Variants in CSRNP3 observed in about 807,000 individuals in gnomAD.
The protein encoded by CSRNP3 is cysteine and serine rich nuclear protein 3.
In CSRNP3, 12 loss-of-function variants were observed where a neutral mutation model predicts 48.0. The ratio of observed to expected loss-of-function variants is 0.25; its 90% CI spans 0.16 to 0.41. CSRNP3 has a LOEUF of 0.41. CSRNP3 is among the 10% of genes least tolerant of loss of function. The probability of loss-of-function intolerance (pLI) is 1.00; values close to 1 mark genes in which losing one functional copy is unlikely to be tolerated. For missense variants in CSRNP3, 580 were observed against 724.4 expected (o/e 0.80, Z 2.29); for synonymous variants, 263 against 269.7 (o/e 0.98, Z 0.24).
At chr2:165,477,461 A>G (rs1683976765) in intron 1 of CSRNP3, among the ~76,000 whole-genome samples, 1 of 124,836 alleles carries the variant, frequency 8.0e-6, no homozygotes, top group African/African-American at 3.1e-5. Context: ...CCTACTAAAA[A>G]TACAAATATA....
chr2:165,575,220 T>C (rs182330309), intron 3 of CSRNP3, among the ~76,000 whole-genome samples: 4 of 152,312 alleles, frequency 2.6e-5, no homozygotes, highest in East Asian at 1.9e-4. Flanking sequence ...TAGGAAAGTC[T>C]GTCCTGCACC....
chr2:165,539,475 T>G (rs1482806158), intron 3 of CSRNP3, among the ~76,000 whole-genome samples: 1 of 152,060 alleles, frequency 6.6e-6, no homozygotes, highest in East Asian at 1.9e-4. Flanking sequence ...TTTCCCCTAA[T>G]GGCTATGTAT....
chr2:165,677,679 C>T (rs989890805), intron 6 of CSRNP3, among the ~76,000 whole-genome samples: 6 of 152,078 alleles, frequency 3.9e-5, no homozygotes, highest in Admixed American at 3.9e-4. Context: ...AGTCTGCCTT[C>T]TCTTCTTTAG....
At chr2:165,676,272 G>T in intron 5 of CSRNP3, 40 bp from the exon 6 acceptor site, 1 of 1,537,420 alleles carries the variant, frequency 6.5e-7, no homozygotes, top group Non-Finnish European at 9.0e-7. Flanking sequence ...TTTGTACCCT[G>T]CCCTTAATGA....
At chr2:165,648,298 T>G (rs10198142) in intron 4 of CSRNP3, among the ~76,000 whole-genome samples, 38,103 of 151,708 alleles carry the variant, frequency 0.25, 5,519 homozygotes, top group Non-Finnish European at 0.32. Flanking sequence ...GTGGTACAAT[T>G]TTACATATAA....
At chr2:165,524,105 A>T (rs1684699870) in intron 3 of CSRNP3, among the ~76,000 whole-genome samples, 1 of 152,216 alleles carries the variant, frequency 6.6e-6, no homozygotes, top group African/African-American at 2.4e-5. Context: ...ACATGTGATC[A>T]TAAAGTGCAC....
At chr2:165,630,281 T>C (rs1320596066) in intron 4 of CSRNP3, among the ~76,000 whole-genome samples, 1 of 152,238 alleles carries the variant, frequency 6.6e-6, no homozygotes, top group Non-Finnish European at 1.5e-5. Context: ...TTTCGTTTTC[T>C]ACTAAGACAG....
intron 4 of CSRNP3, among the ~76,000 whole-genome samples, chr2:165,653,988 A>G: frequency 6.9e-6 from 1 of 145,802 alleles, no homozygotes; most frequent in African/African-American, 2.6e-5. Context: ...AAAAAAAAAA[A>G]AAAAAAAAAA....
chr2:165,666,289 G>C (rs1180385471), intron 5 of CSRNP3, among the ~76,000 whole-genome samples: 1 of 134,604 alleles, frequency 7.4e-6, no homozygotes, highest in Non-Finnish European at 1.6e-5. Context: ...GAAAGGGAGA[G>C]AGGAAGAAAG....
At chr2:165,585,331 T>A (rs775552658) in intron 3 of CSRNP3, among the ~76,000 whole-genome samples, 1 of 152,060 alleles carries the variant, frequency 6.6e-6, no homozygotes, top group Non-Finnish European at 1.5e-5. Flanking sequence ...ATCTGGTTGA[T>A]AATTTGACGT....
intron 3 of CSRNP3, among the ~76,000 whole-genome samples, chr2:165,543,159 C>G (rs1295870998): frequency 1.3e-5 from 2 of 152,126 alleles, no homozygotes; most frequent in African/African-American, 4.8e-5. Flanking sequence ...CTTTACTAGA[C>G]CAGGTTGCCT....
chr2:165,508,089 A>G (rs1225039714), intron 2 of CSRNP3, among the ~76,000 whole-genome samples: 1 of 151,910 alleles, frequency 6.6e-6, no homozygotes, highest in Non-Finnish European at 1.5e-5. Flanking sequence ...TATTCCTATC[A>G]GTGGATGTCA....
At chr2:165,590,663 T>A (rs2105291137) in intron 3 of CSRNP3, among the ~76,000 whole-genome samples, 1 of 152,232 alleles carries the variant, frequency 6.6e-6, no homozygotes, top group Admixed American at 6.5e-5. Flanking sequence ...GTGAGTGAGT[T>A]CTCATGAGAT....
At chr2:165,520,161 T>C (rs1684632550) in intron 3 of CSRNP3, among the ~76,000 whole-genome samples, 5 of 152,238 alleles carry the variant, frequency 3.3e-5, no homozygotes. Context: ...TGTGCATTTT[T>C]ATTAGAAAAT....
At chr2:165,586,458 G>A (rs1316522184) in intron 3 of CSRNP3, among the ~76,000 whole-genome samples, 3 of 152,200 alleles carry the variant, frequency 2.0e-5, no homozygotes, top group African/African-American at 7.2e-5. Flanking sequence ...AGTTAAGGTT[G>A]AATTTCAGAT....
intron 3 of CSRNP3, among the ~76,000 whole-genome samples, chr2:165,551,858 G>A (rs1157067876): frequency 6.6e-6 from 1 of 152,124 alleles, no homozygotes; most frequent in African/African-American, 2.4e-5. Flanking sequence ...TGAGCCAGAT[G>A]CATAGAAGGA....
chr2:165,679,644 A>G lies in CSRNP3; in HGVS notation c.1649A>G (p.Asp550Gly), dbSNP rs968346417. Residue 550 changes from aspartate to glycine, a missense_variant, in exon 7 of 7, where the codon GAC becomes GGC. Asp to Gly is a moderately conservative substitution (Grantham distance 94, BLOSUM62 -1). Transcript: ENST00000651982. The part of the protein sequence containing the change: ...QEGFVSALNG[D>G]SHISEHPAEN... The stretch of plus-strand genomic sequence containing the variant: ...GGGTTTGTCTCTGCATTGAATGGTG[A>G]CAGTCACATTTCAGAGCATCCTGCT... 3 of 1,614,038 alleles carry G rather than the reference A, an allele frequency of 1.9e-6. No individual in the cohort carries two copies. The highest frequency in any genetic ancestry group is 1.7e-6 in the Non-Finnish European group (2 of 1,180,008).
At chr2:165,569,817 T>C (rs1177140212) in intron 3 of CSRNP3, among the ~76,000 whole-genome samples, 1 of 151,998 alleles carries the variant, frequency 6.6e-6, no homozygotes, top group Non-Finnish European at 1.5e-5. Flanking sequence ...AATTTGTTTT[T>C]ATCCTGAGGC....
intron 4 of CSRNP3, among the ~76,000 whole-genome samples, chr2:165,645,014 A>G (rs998912772): frequency 1.3e-5 from 2 of 152,046 alleles, no homozygotes; most frequent in Admixed American, 6.6e-5. Context: ...TGAAGGGGTC[A>G]TGGTCTCTCT....
Sources: allele counts gnomAD v4.1 joint callset (sites outside exome capture counted in the v4.1 genomes callset), GRCh38; gene constraint gnomAD v4.1.1; transcripts MANE v1.5; gene names NCBI Gene and HGNC (gene_info 2026-07-23, HGNC 2026-07-21).